The following SHOC1 variants were observed in gnomAD, a reference collection of about 807,000 sequenced individuals.
The protein encoded by SHOC1 is protein shortage in chiasmata 1 ortholog.
Under a neutral mutation model 179.2 loss-of-function variants are expected in SHOC1, and 136 were observed. The observed-to-expected ratio is 0.76, with a 90% confidence interval of 0.66 to 0.87. The LOEUF (loss-of-function observed/expected upper bound fraction) is 0.87. Among genes scored for constraint, SHOC1 ranks in the 40% least tolerant of loss-of-function variants. The probability of loss-of-function intolerance (pLI) is 0.00; values close to 1 mark genes in which losing one functional copy is unlikely to be tolerated. For synonymous variants in SHOC1, 489 were observed against 586.6 expected, an observed-to-expected ratio of 0.83 and a Z score of 2.41; for missense variants, 1,538 against 1,700.8, an observed-to-expected ratio of 0.90 and a Z score of 1.68.
chr9:111,762,794 C>T (rs539072420), intron 5 of SHOC1, among the ~76,000 whole-genome samples: 1 of 152,084 alleles, frequency 6.6e-6, no homozygotes, highest in Admixed American at 6.5e-5. Context: ...ATTTTCTTTA[C>T]CATCAGAAAT....
At chr9:111,719,611 ATTGTTCTT>A (rs1016670853) in intron 15 of SHOC1, among the ~76,000 whole-genome samples, 2 of 152,124 alleles carry the variant, frequency 1.3e-5, no homozygotes, top group Admixed American at 6.6e-5. Flanking sequence ...TTTGCTGACA[ATTGTTCTT>A]TTCTATCCAG....
chr9:111,748,766 C>T (rs957505557), intron 8 of SHOC1, among the ~76,000 whole-genome samples: 151 of 62,288 alleles, frequency 2.4e-3, no homozygotes, highest in African/African-American at 6.6e-3. Flanking sequence ...CCTTCCTTTC[C>T]TTCCTTCCTT....
At chr9:111,721,777 C>G (rs1833063748) in intron 15 of SHOC1, among the ~76,000 whole-genome samples, 1 of 152,220 alleles carries the variant, frequency 6.6e-6, no homozygotes, top group South Asian at 2.1e-4. Flanking sequence ...TCTCCCTGGA[C>G]TCTTACCTCC....
At chr9:111,713,212 A>T (rs2131379773) in intron 17 of SHOC1, 40 bp from the exon 18 acceptor site, 2 of 1,109,190 alleles carry the variant, frequency 1.8e-6, no homozygotes, top group South Asian at 1.5e-5. Flanking sequence ...GTGGATGATT[A>T]TTCTTTTTCA....
At position 111,700,012 on chromosome 9, in the gene SHOC1, G is replaced by A. The variant is rs1324265081; in HGVS notation, c.3125C>T (p.Ala1042Val). The change falls in exon 24 of 28, where the codon GCA (alanine) becomes GTA (valine). Residue 1042 changes from alanine to valine, a missense_variant. Coordinates refer to ENST00000682961, the MANE Select transcript of SHOC1 (RefSeq NM_001378211.1). ...TGAAACCAAAGCTGCATAAATCAGT[G>A]CTAGGTGATGAAGTGTCTTTTCTGT... ...LLTEKTLHHL[A>V]LIYAALVSFG... 1 of 1,604,872 alleles carries A rather than the reference G, an allele frequency of 6.2e-7. No individual in the cohort carries two copies. The highest frequency in any genetic ancestry group is 8.5e-7 in the Non-Finnish European group (1 of 1,174,230).
intron 5 of SHOC1, among the ~76,000 whole-genome samples, chr9:111,767,546 T>C (rs930038280): frequency 6.6e-6 from 1 of 152,212 alleles, no homozygotes; most frequent in African/African-American, 2.4e-5. Flanking sequence ...TTGGTTTATA[T>C]GTCTGTTTTT....
intron 27 of SHOC1, among the ~76,000 whole-genome samples, chr9:111,689,778 A>C (rs1831347064): frequency 6.6e-6 from 1 of 152,144 alleles, no homozygotes; most frequent in Non-Finnish European, 1.5e-5. Flanking sequence ...ATATATAACT[A>C]AATTAATGAA....
chr9:111,718,340 G>A, intron 15 of SHOC1, 52 bp from the exon 16 acceptor site: 1 of 1,193,276 alleles, frequency 8.4e-7, no homozygotes, highest in Non-Finnish European at 1.2e-6. Flanking sequence ...TACAGTTTTA[G>A]AATATGTATC....
In SHOC1 at chr9:111,748,162, A is replaced by G. The variant is rs966665684; in HGVS notation, c.900T>C (p.Asp300=). ...TNKHGIEDIG[D]IKFSSTEILT... is the part of the protein sequence containing the mutation. ...AAATCTCTGTGGAGCTGAATTTTATATCCCCGATATCCTCAATTCCATGCT... is the reference window on the plus strand; with the variant it reads ...AAATCTCTGTGGAGCTGAATTTTATGTCCCCGATATCCTCAATTCCATGCT... Residue 300 remains aspartate (D), a synonymous_variant, in exon 9 of 28, where the codon GAT becomes GAC. Transcript: ENST00000682961. 1 of 1,613,632 alleles carries G rather than the reference A, an allele frequency of 6.2e-7. No homozygotes were observed. The highest frequency in any genetic ancestry group is 1.3e-5 in the African/African-American group (1 of 74,908).
intron 12 of SHOC1, among the ~76,000 whole-genome samples, chr9:111,735,004 T>C (rs1172129458): frequency 9.2e-5 from 14 of 152,078 alleles, no homozygotes. Context: ...CAGTTTCTAT[T>C]GTTGCCATCT....
chr9:111,763,171 G>T (rs1371099075), intron 5 of SHOC1, among the ~76,000 whole-genome samples: 2 of 151,618 alleles, frequency 1.3e-5, no homozygotes, highest in Admixed American at 1.3e-4. Context: ...TCTTTATGAA[G>T]AAAAATTTTA....
intron 23 of SHOC1, among the ~76,000 whole-genome samples, chr9:111,701,402 G>C (rs1325797026): frequency 6.6e-6 from 1 of 151,972 alleles, no homozygotes; most frequent in African/African-American, 2.4e-5. Context: ...CAGAATATTA[G>C]ATAATTATTT....
intron 24 of SHOC1, among the ~76,000 whole-genome samples, chr9:111,694,772 T>C (rs956258494): frequency 3.3e-5 from 5 of 151,998 alleles, no homozygotes; most frequent in African/African-American, 1.2e-4. Context: ...AGTGCAAGAT[T>C]TTTCAAAGAC....
rs945945893 is a variant in SHOC1 at position 111,748,148 on chromosome 9, G to A, written c.914C>T (p.Ser305Phe). 8.7e-6 allele frequency: 14 copies of A among 1,613,770 alleles called. No homozygotes were observed. The highest frequency in any genetic ancestry group is 1.2e-5 in the Non-Finnish European group (14 of 1,179,878). Residue 305 changes from serine (S) to phenylalanine (F), a missense_variant, in exon 9 of 28, where the codon TCC becomes TTC. Transcript: ENST00000682961. ...GCTTTGAATGGTCAAAATCTCTGTG[G>A]AGCTGAATTTTATATCCCCGATATC... Reference protein sequence around the residue: ...IEDIGDIKFSSTEILTIQSQS... With the variant: ...IEDIGDIKFSFTEILTIQSQS...
intron 5 of SHOC1, among the ~76,000 whole-genome samples, chr9:111,768,228 ATTT>A (rs34176159): frequency 7.0e-6 from 1 of 142,626 alleles, no homozygotes; most frequent in Non-Finnish European, 1.5e-5. Flanking sequence ...TGTATGTTAA[ATTT>A]TTTTTTTTTT....
chr9:111,770,785 C>T (rs1288277619), intron 5 of SHOC1, among the ~76,000 whole-genome samples: 2 of 152,046 alleles, frequency 1.3e-5, no homozygotes, highest in Non-Finnish European at 2.9e-5. Flanking sequence ...TCATCTTTGT[C>T]TCTTTTTACA....
chr9:111,785,403 T>A (rs914633325), intron 3 of SHOC1, among the ~76,000 whole-genome samples: 1 of 54,996 alleles, frequency 1.8e-5, no homozygotes, highest in African/African-American at 6.8e-5. Flanking sequence ...ACTACTTCTA[T>A]GTCTTTTAAG....
At chr9:111,702,041 C>A in intron 23 of SHOC1, 64 bp downstream of exon 23, 1 of 1,217,732 alleles carries the variant, frequency 8.2e-7, no homozygotes, top group Non-Finnish European at 1.1e-6. Flanking sequence ...CATTTCCATT[C>A]AAATAAGAGG....
At chr9:111,788,020 T>G (rs1224187986) in intron 2 of SHOC1, among the ~76,000 whole-genome samples, 5 of 152,020 alleles carry the variant, frequency 3.3e-5, no homozygotes, top group African/African-American at 1.2e-4. Context: ...TTTTAAGACA[T>G]AGTGCTACTG....
Sources: gnomAD v4.1 joint callset for allele counts (sites outside exome capture counted in the v4.1 genomes callset) on GRCh38, gnomAD v4.1.1 for gene constraint, MANE v1.5 for transcripts, NCBI Gene and HGNC (gene_info 2026-07-23, HGNC 2026-07-21) for gene names.